The following RASGRF2 variants were observed in gnomAD, a reference collection of about 807,000 sequenced individuals.
RASGRF2 encodes the protein ras-specific guanine nucleotide-releasing factor 2.
In RASGRF2, 76 loss-of-function variants were observed where a neutral mutation model predicts 151.0. That is an observed-to-expected ratio of 0.50 (90% confidence interval 0.42 to 0.61). The LOEUF is 0.61. Ranked by LOEUF, RASGRF2 falls within the 20% of genes least tolerant of loss-of-function variation. The pLI is 0.00. For synonymous variants in RASGRF2, 504 were observed against 566.5 expected, an observed-to-expected ratio of 0.89 and a Z score of 1.57; for missense variants, 1,148 against 1,564.6, an observed-to-expected ratio of 0.73 and a Z score of 4.49.
At chr5:81,205,002 G>A (rs1239323326) in intron 19 of RASGRF2, among the ~76,000 whole-genome samples, 2 of 152,170 alleles carry the variant, frequency 1.3e-5, no homozygotes, top group African/African-American at 2.4e-5. Context: ...AACCTAGAAT[G>A]GTGGAAAAGA....
At chr5:80,974,479 T>C (rs554686509) in intron 1 of RASGRF2, among the ~76,000 whole-genome samples, 2 of 152,210 alleles carry the variant, frequency 1.3e-5, no homozygotes, top group Non-Finnish European at 2.9e-5. Flanking sequence ...CCCAGGCATT[T>C]AGGAAATCTG....
chr5:81,214,427 G>C (rs906685841), intron 23 of RASGRF2, among the ~76,000 whole-genome samples: 4 of 152,186 alleles, frequency 2.6e-5, no homozygotes, highest in Non-Finnish European at 5.9e-5. Context: ...GACAACATCC[G>C]CTGTACAGCT....
At chr5:81,150,828 T>G (rs1470107760) in intron 17 of RASGRF2, among the ~76,000 whole-genome samples, 3 of 152,230 alleles carry the variant, frequency 2.0e-5, no homozygotes, top group Non-Finnish European at 4.4e-5. Flanking sequence ...AGACCCAGAA[T>G]GAATCTGTGC....
intron 1 of RASGRF2, among the ~76,000 whole-genome samples, chr5:81,012,197 C>G (rs503363): frequency 6.6e-6 from 1 of 152,076 alleles, no homozygotes; most frequent in Non-Finnish European, 1.5e-5. Context: ...CCTTTATACT[C>G]TCTGTCTGTA....
chr5:81,157,173 G>A (rs142467979), intron 17 of RASGRF2, among the ~76,000 whole-genome samples: 1,932 of 152,000 alleles, frequency 0.013, 44 homozygotes, highest in African/African-American at 0.044. Flanking sequence ...AGACCACGGT[G>A]AAACCCTGTC....
At chr5:80,991,239 G>C (rs747774109) in intron 1 of RASGRF2, among the ~76,000 whole-genome samples, 12 of 152,088 alleles carry the variant, frequency 7.9e-5, no homozygotes, top group Non-Finnish European at 1.5e-4. Context: ...CAGGCAGATT[G>C]CTTAAGCCCA....
chr5:81,191,126 G>GCCT (rs1755146307), intron 18 of RASGRF2, among the ~76,000 whole-genome samples: 1 of 152,114 alleles, frequency 6.6e-6, no homozygotes. Flanking sequence ...ATCCGACCAG[G>GCCT]CCTGGACCAG....
At chr5:81,142,515 A>G (rs956634120) in intron 17 of RASGRF2, among the ~76,000 whole-genome samples, 4 of 152,182 alleles carry the variant, frequency 2.6e-5, no homozygotes, top group Admixed American at 1.3e-4. Context: ...GGCTGCATGC[A>G]ATGTTTCTTA....
intron 12 of RASGRF2, among the ~76,000 whole-genome samples, chr5:81,099,677 T>C (rs1028245098): frequency 6.6e-6 from 1 of 152,220 alleles, no homozygotes; most frequent in Non-Finnish European, 1.5e-5. Context: ...ATCACATTTT[T>C]CTATTTCATG....
At chr5:81,159,486 C>T (rs1017830443) in intron 17 of RASGRF2, among the ~76,000 whole-genome samples, 3 of 152,254 alleles carry the variant, frequency 2.0e-5, no homozygotes, top group South Asian at 2.1e-4. Context: ...GATTCCTTTA[C>T]GGGATGTTAC....
chr5:81,207,065 A>T (rs1755524341), intron 20 of RASGRF2, among the ~76,000 whole-genome samples, 160 bp downstream of exon 20: 1 of 152,182 alleles, frequency 6.6e-6, no homozygotes, highest in Non-Finnish European at 1.5e-5. Flanking sequence ...GGGGTCTAGC[A>T]GTTGGTCTAA....
rs571420066 is a variant in RASGRF2 at position 81,092,791 on chromosome 5, T to C, written c.1391-10T>C. ...AATTGCTGTGTATTCTTCATTTTTG[T>C]AATCACCAGGTTCTCTTATTCAAGT... On this transcript the variant is annotated splice_polypyrimidine_tract_variant and intron_variant, in intron 9 of 26. Transcript: ENST00000265080. 1 of 1,607,386 alleles carries C rather than the reference T, an allele frequency of 6.2e-7. No homozygotes were observed. The highest frequency in any genetic ancestry group is 1.3e-5 in the African/African-American group (1 of 74,556).
At chr5:80,976,235 TGTTTAATGCTAATTTGGG>T (rs1426813430) in intron 1 of RASGRF2, among the ~76,000 whole-genome samples, 1 of 152,124 alleles carries the variant, frequency 6.6e-6, no homozygotes, top group Non-Finnish European at 1.5e-5. Flanking sequence ...AGCCACTCTT[TGTTTAATGCTAATTTGGG>T]GTTAACACTG....
chr5:81,089,832 C>T (rs1752339985), intron 9 of RASGRF2, among the ~76,000 whole-genome samples: 1 of 152,198 alleles, frequency 6.6e-6, no homozygotes, highest in Admixed American at 6.5e-5. Context: ...CTAATGCTCA[C>T]AAAAGCACCT....
intron 1 of RASGRF2, among the ~76,000 whole-genome samples, chr5:80,995,228 C>T (rs908198258): frequency 6.7e-6 from 1 of 148,366 alleles, no homozygotes; most frequent in Non-Finnish European, 1.5e-5. Flanking sequence ...TGCCCTCCAG[C>T]CTGGGCGATA....
chr5:81,091,772 A>T (rs1190238511), intron 9 of RASGRF2, among the ~76,000 whole-genome samples: 1 of 152,162 alleles, frequency 6.6e-6, no homozygotes, highest in Non-Finnish European at 1.5e-5. Context: ...AGAAAAATGT[A>T]TGAAGAGGAA....
chr5:80,998,836 C>T (rs1206777516), intron 1 of RASGRF2, among the ~76,000 whole-genome samples: 1 of 152,188 alleles, frequency 6.6e-6, no homozygotes, highest in Non-Finnish European at 1.5e-5. Flanking sequence ...GGAGAGTGAG[C>T]TTGAGGTTCA....
At chr5:81,082,629 G>A (rs933872290) in intron 7 of RASGRF2, among the ~76,000 whole-genome samples, 1 of 152,164 alleles carries the variant, frequency 6.6e-6, no homozygotes, top group Non-Finnish European at 1.5e-5. Context: ...CTGATGTTTT[G>A]GATTGGGTAA....
intron 1 of RASGRF2, among the ~76,000 whole-genome samples, chr5:81,033,727 C>T (rs1750356889): frequency 6.6e-6 from 1 of 152,182 alleles, no homozygotes; most frequent in Non-Finnish European, 1.5e-5. Flanking sequence ...CCATTCAGGA[C>T]ATAGGCATGG....
Sources: gnomAD v4.1 joint callset for allele counts (sites outside exome capture counted in the v4.1 genomes callset) on GRCh38, gnomAD v4.1.1 for gene constraint, MANE v1.5 for transcripts, NCBI Gene and HGNC (gene_info 2026-07-23, HGNC 2026-07-21) for gene names.